Variants in CMTM6 observed in about 807,000 individuals in gnomAD.
CMTM6 encodes the protein CKLF like MARVEL transmembrane domain containing 6, also known as CKLF-like MARVEL transmembrane domain-containing protein 6.
CMTM6 carries 5 observed loss-of-function variants against 13.6 expected under a neutral mutation model. The ratio of observed to expected loss-of-function variants is 0.37; its 90% confidence interval spans 0.19 to 0.77. The LOEUF (loss-of-function observed/expected upper bound fraction) is 0.77. Among genes scored for constraint, CMTM6 ranks in the 30% least tolerant of loss-of-function variants. The pLI, the probability that CMTM6 is intolerant of heterozygous loss-of-function variation, is 0.50. For missense variants in CMTM6, 196 were observed against 218.6 expected (o/e 0.90, Z 0.65); for synonymous variants, 99 against 84.5 (o/e 1.17, Z -0.94).
intron 1 of CMTM6, among the ~76,000 whole-genome samples, chr3:32,496,549 G>C (rs1001982431): frequency 6.6e-6 from 1 of 152,192 alleles, no homozygotes; most frequent in Non-Finnish European, 1.5e-5. Context: ...ACTGTTCTAC[G>C]TATAGGAAGA....
At chr3:32,496,645 T>C (rs746384223) in intron 1 of CMTM6, among the ~76,000 whole-genome samples, 30 of 152,162 alleles carry the variant, frequency 2.0e-4, no homozygotes, top group Admixed American at 5.2e-4. Flanking sequence ...ATTCATTATA[T>C]GTAGGTTAGA....
In CMTM6 at chr3:32,502,798, G is replaced by C; in HGVS notation, c.-53C>G. On this transcript the variant is annotated 5_prime_UTR_variant, in exon 1 of 4. Coordinates refer to ENST00000205636, the MANE Select transcript of CMTM6 (RefSeq NM_017801.3). The stretch of plus-strand genomic sequence containing the variant: ...GCAGCAACCGCGCCGTTGACTTCTC[G>C]GACTCCAGAAGTCCCCGGTAGCCGG... 2 of 1,388,396 alleles carry C rather than the reference G, an allele frequency of 1.4e-6. No homozygotes were observed. Among genetic ancestry groups the C allele is most frequent in the Non-Finnish European group, 1.9e-6 (2 of 1,071,934 alleles). The allele number at this position is 1,388,396 out of a possible 1,614,324, so 86.0% of individuals were successfully genotyped here. A position where few individuals can be genotyped will look rare whatever the true frequency, so the allele number is the denominator to read the frequency against.
chr3:32,501,414 T>A (rs889727230), intron 1 of CMTM6, among the ~76,000 whole-genome samples: 67 of 152,080 alleles, frequency 4.4e-4, no homozygotes, highest in Non-Finnish European at 4.4e-5. Flanking sequence ...TCGTAATAAA[T>A]TAAAGGTGGC....
chr3:32,489,844 A>G (rs1697235998), intron 2 of CMTM6, among the ~76,000 whole-genome samples: 2 of 152,192 alleles, frequency 1.3e-5, no homozygotes, highest in African/African-American at 4.8e-5. Flanking sequence ...GTAGTGTTCA[A>G]TAAACGGGTT....
At chr3:32,484,854 T>C (rs2125655295) in intron 3 of CMTM6, among the ~76,000 whole-genome samples, 1 of 152,280 alleles carries the variant, frequency 6.6e-6, no homozygotes, top group East Asian at 1.9e-4. Flanking sequence ...ATCTCCACGA[T>C]TTTTATTAAT....
At chr3:32,496,664 AG>A (rs1445352901) in intron 1 of CMTM6, among the ~76,000 whole-genome samples, 10 of 152,242 alleles carry the variant, frequency 6.6e-5, no homozygotes, top group African/African-American at 2.4e-4. Flanking sequence ...GAAAATCTCA[AG>A]AAAATGTTCG....
At chr3:32,485,815 T>C (rs534919863) in intron 3 of CMTM6, among the ~76,000 whole-genome samples, 46 of 152,336 alleles carry the variant, frequency 3.0e-4, no homozygotes, top group African/African-American at 8.2e-4. Context: ...CCTTTTGAGT[T>C]TTCTATCATA....
At chr3:32,502,148 G>C (rs1411991993) in intron 1 of CMTM6, among the ~76,000 whole-genome samples, 1 of 152,248 alleles carries the variant, frequency 6.6e-6, no homozygotes, top group African/African-American at 2.4e-5. Context: ...TGGTATCGCA[G>C]GACTTTGTCC....
At chr3:32,497,257 C>T (rs1010239910) in intron 1 of CMTM6, among the ~76,000 whole-genome samples, 41 of 151,152 alleles carry the variant, frequency 2.7e-4, no homozygotes, top group South Asian at 1.0e-3. Flanking sequence ...TGGTGGCGGG[C>T]GCCTGTAGTC....
chr3:32,486,416 A>AC (rs60943393), intron 3 of CMTM6, among the ~76,000 whole-genome samples: 263 of 28,904 alleles, frequency 9.1e-3, no homozygotes, highest in African/African-American at 0.084. Flanking sequence ...AAGACTACTT[A>AC]GTCTTTTCTT....
In CMTM6 at chr3:32,483,826, G is replaced by A; in HGVS notation, c.*134C>T. 2.3e-6 allele frequency: 2 copies of A among 887,258 alleles called. No individual in the cohort carries two copies. Among genetic ancestry groups the A allele is most frequent in the Non-Finnish European group, 3.1e-6 (2 of 636,708 alleles). 55.0% of individuals were successfully genotyped at this position (887,258 alleles called of 1,614,324 possible). The stretch of plus-strand genomic sequence containing the variant: ...TGACTGACACAATATTGATAAAACT[G>A]CCTTCTTGACCTTCCCCTTGCTCTC... On this transcript the variant is annotated 3_prime_UTR_variant, in exon 4 of 4. Transcript: ENST00000205636.
chr3:32,486,755 T>G (rs1438596438), intron 3 of CMTM6, among the ~76,000 whole-genome samples: 1 of 152,170 alleles, frequency 6.6e-6, no homozygotes. Flanking sequence ...TCCCCAATGT[T>G]GGGGGTGGAG....
intron 2 of CMTM6, among the ~76,000 whole-genome samples, chr3:32,490,610 G>C (rs1471169512): frequency 6.6e-6 from 1 of 152,016 alleles, no homozygotes; most frequent in Non-Finnish European, 1.5e-5. Flanking sequence ...AAATGCTCAA[G>C]TTTGATATAA....
chr3:32,502,677 G>C lies in CMTM6; in HGVS notation c.69C>G (p.Ser23Arg), dbSNP rs926656879. The C allele has an allele frequency of 1.9e-6, 3 of 1,588,046 alleles. No homozygotes were observed. In the South Asian group the frequency reaches 3.4e-5, roughly 18 times the overall value. ...EDPGPARGPR[S>R]GLAAYFFMGR... ...CCATGAAAAAGTAGGCAGCGAGGCC[G>C]CTCCGGGGGCCTCTGGCGGGGCCCG... Residue 23 changes from serine to arginine, a missense_variant, in exon 1 of 4, where the codon AGC becomes AGG. By Grantham distance (110) the Ser-to-Arg change is moderately radical (BLOSUM62 -1). This residue lies in a region of CMTM6 where 85 missense variants were observed against 58.7 expected (regional missense o/e 1.45). Coordinates refer to ENST00000205636, the MANE Select transcript of CMTM6 (RefSeq NM_017801.3).
chr3:32,487,590 T>A (rs1697215180), intron 3 of CMTM6: 1 of 164,556 alleles, frequency 6.1e-6, no homozygotes, highest in African/African-American at 2.4e-5. Flanking sequence ...ATTTCTCCCA[T>A]ATATTCTCCA....
chr3:32,488,020 A>G lies in CMTM6; in HGVS notation c.332T>C (p.Leu111Ser), dbSNP rs1252178221. The change falls in exon 3 of 4, where the codon TTG (leucine) becomes TCG (serine). Residue 111 changes from leucine (L) to serine (S), a missense_variant. This residue lies in a region of CMTM6 where 111 missense variants were observed against 160.0 expected (regional missense o/e 0.69). Transcript: ENST00000205636. ...CAACAAAAACACACATCCTGTTCCC[A>G]AAGTAATATAAAAATCCTATGCATA... ...KVKSSDFYIT[L>S]GTGCVFLLAS... 2 of 1,612,448 alleles carry G rather than the reference A, an allele frequency of 1.2e-6. No homozygotes were observed. Among genetic ancestry groups the G allele is most frequent in the Admixed American group, 3.3e-5 (2 of 59,970 alleles).
At position 32,482,294 on chromosome 3, in the gene CMTM6, C is replaced by G. The variant is rs1476036642; in HGVS notation, c.*1666G>C. ...AGAGCAGAAGCTATGTTGGGCCATA[C>G]TGACCAATTTCTGAGAACCACATTA... On this transcript the variant is annotated 3_prime_UTR_variant, in exon 4 of 4. Coordinates refer to ENST00000205636, the MANE Select transcript of CMTM6 (RefSeq NM_017801.3). The G allele has an allele frequency of 6.6e-6, 1 of 151,990 alleles. No individual in the cohort carries two copies. The highest frequency in any genetic ancestry group is 1.5e-5 in the Non-Finnish European group (1 of 68,018). 9.4% of individuals were successfully genotyped at this position (151,990 alleles called of 1,614,324 possible). A position where few individuals can be genotyped will look rare whatever the true frequency, so the allele number is the denominator to read the frequency against.
chr3:32,488,413 T>C (rs2125656419), intron 2 of CMTM6: 1 of 154,990 alleles, frequency 6.5e-6, no homozygotes, highest in Admixed American at 6.5e-5. Context: ...GTGTATCTCG[T>C]GCAAGTGTTT....
In CMTM6 at chr3:32,483,814, A is replaced by T; in HGVS notation, c.*146T>A. 1 of 787,030 alleles carries T rather than the reference A, an allele frequency of 1.3e-6. No homozygotes were observed. Among genetic ancestry groups the T allele is most frequent in the Non-Finnish European group, 1.8e-6 (1 of 549,496 alleles). 48.8% of individuals were successfully genotyped at this position (787,030 alleles called of 1,614,324 possible). A position where few individuals can be genotyped will look rare whatever the true frequency, so the allele number is the denominator to read the frequency against. On this transcript the variant is annotated 3_prime_UTR_variant, in exon 4 of 4. Coordinates refer to ENST00000205636, the MANE Select transcript of CMTM6 (RefSeq NM_017801.3). ...CCTACTTTGTGGTGACTGACACAAT[A>T]TTGATAAAACTGCCTTCTTGACCTT...
Sources: allele counts gnomAD v4.1 joint callset (sites outside exome capture counted in the v4.1 genomes callset), GRCh38; gene constraint gnomAD v4.1.1; regional missense constraint gnomAD v4.1.1; transcripts MANE v1.5; gene names NCBI Gene and HGNC (gene_info 2026-07-23, HGNC 2026-07-21).